Variants in MLLT3 observed in about 807,000 individuals in gnomAD.
MLLT3 encodes the protein MLLT3 super elongation complex subunit.
Under a neutral mutation model 53.2 loss-of-function variants are expected in MLLT3, and 4 were observed. That is an observed-to-expected ratio of 0.08 (90% confidence interval 0.04 to 0.17). The LOEUF (loss-of-function observed/expected upper bound fraction) is 0.17. MLLT3 is among the 10% of genes least tolerant of loss of function. The pLI is 1.00. For missense variants in MLLT3, 569 were observed against 684.0 expected (o/e 0.83, Z 1.87); for synonymous variants, 283 against 230.6 (o/e 1.23, Z -2.06).
intron 2 of MLLT3, among the ~76,000 whole-genome samples, chr9:20,458,835 G>T (rs1824037911): frequency 6.6e-6 from 1 of 152,188 alleles, no homozygotes; most frequent in African/African-American, 2.4e-5. Context: ...GCAGCACAGG[G>T]CCTGGCGCAT....
chr9:20,379,575 C>T (rs1449858186), intron 5 of MLLT3, among the ~76,000 whole-genome samples: 1 of 152,076 alleles, frequency 6.6e-6, no homozygotes, highest in Non-Finnish European at 1.5e-5. Flanking sequence ...ATAGACTTAA[C>T]ATTCCTCTGT....
intron 2 of MLLT3, among the ~76,000 whole-genome samples, chr9:20,491,850 C>T (rs1470621628): frequency 6.6e-6 from 1 of 151,962 alleles, no homozygotes; most frequent in Non-Finnish European, 1.5e-5. Context: ...GAGCATAGTA[C>T]AAAGAAAGAT....
intron 2 of MLLT3, among the ~76,000 whole-genome samples, chr9:20,585,991 C>G (rs1007256546): frequency 6.6e-6 from 1 of 152,120 alleles, no homozygotes; most frequent in Non-Finnish European, 1.5e-5. Flanking sequence ...TCCTCACGGG[C>G]TGCTGACTTT....
chr9:20,448,612 G>A lies in MLLT3; in HGVS notation c.277-346C>T, dbSNP rs1331091352. ...CCCAGTACACTCACCATCAAAGGCT[G>A]CCATTTTCTCCATAAATATTTCTTC... On this transcript the variant is annotated intron_variant, in intron 3 of 10. Transcript: ENST00000380338. The surrounding 1 kb of genome is among the most constrained non-coding windows in gnomAD (Gnocchi z 4.0). Among the ~76,000 whole-genome samples, 1 of 152,030 alleles carries A rather than the reference G, an allele frequency of 6.6e-6. No homozygotes were observed. Among genetic ancestry groups the A allele is most frequent in the African/African-American group, 2.4e-5 (1 of 41,394 alleles).
At chr9:20,416,894 A>T (rs1822885273) in intron 4 of MLLT3, among the ~76,000 whole-genome samples, 1 of 152,142 alleles carries the variant, frequency 6.6e-6, no homozygotes, top group Non-Finnish European at 1.5e-5. Flanking sequence ...GACCAATGTC[A>T]AAGTTCAAAT....
rs1554673228 is a variant in MLLT3 at position 20,342,834 on chromosome 9, G to GTGTATATATATA, written c.*3608_*3609insTATATATATACA. 5.2e-4 allele frequency: 86 copies of GTGTATATATATA among 166,682 alleles called. 2 individuals are homozygous for GTGTATATATATA. The East Asian group carries it at 8.7e-3, about 17-fold the overall frequency. The allele number at this position is 166,682 out of a possible 1,614,324, so 10.3% of individuals were successfully genotyped here. ...AAGATTACTCTGATAATATATATGTGTATATATATATATATATGTATATAT... is the reference window on the plus strand; with the variant it reads ...AAGATTACTCTGATAATATATATGTGTGTATATATATATATATATATATATATATGTATATAT... On this transcript the variant is annotated 3_prime_UTR_variant, in exon 11 of 11. Coordinates refer to ENST00000380338, the MANE Select transcript of MLLT3 (RefSeq NM_004529.4).
intron 2 of MLLT3, among the ~76,000 whole-genome samples, chr9:20,615,268 T>C (rs1233648282): frequency 7.1e-6 from 1 of 140,984 alleles, no homozygotes; most frequent in East Asian, 2.1e-4. Context: ...GACCAGGAGA[T>C]GGGAGGATGG....
rs1820954006 is a variant in MLLT3, at chr9:20,620,081, G to A, written c.193+573C>T. Among the ~76,000 whole-genome samples the A allele has an allele frequency of 6.6e-6, 1 of 151,952 alleles. No homozygotes were observed. Among genetic ancestry groups the A allele is most frequent in the African/African-American group, 2.4e-5 (1 of 41,366 alleles). On this transcript the variant is annotated intron_variant, in intron 2 of 10. Coordinates refer to ENST00000380338, the MANE Select transcript of MLLT3 (RefSeq NM_004529.4). The surrounding 1 kb of genome is among the most constrained non-coding windows in gnomAD (Gnocchi z 6.1). Reference sequence around the variant, plus strand: ...AAATCCAGACTGGAGTGGGTGTGGCGGTGGCTAAGCCACAAAAAGAAAAGT... The same window carrying A: ...AAATCCAGACTGGAGTGGGTGTGGCAGTGGCTAAGCCACAAAAAGAAAAGT...
At chr9:20,352,628 T>C (rs1391076265) in intron 10 of MLLT3, among the ~76,000 whole-genome samples, 1 of 151,710 alleles carries the variant, frequency 6.6e-6, no homozygotes, top group Non-Finnish European at 1.5e-5. Flanking sequence ...GTCAGGAAAC[T>C]TGGCAAGTTT....
chr9:20,500,155 C>T (rs1403817513), intron 2 of MLLT3, among the ~76,000 whole-genome samples: 1 of 152,214 alleles, frequency 6.6e-6, no homozygotes, highest in Non-Finnish European at 1.5e-5. Context: ...GTGGTTCTAG[C>T]TCAGAGTTTC....
chr9:20,431,160 G>A (rs1241611702), intron 4 of MLLT3, among the ~76,000 whole-genome samples: 1 of 152,048 alleles, frequency 6.6e-6, no homozygotes, highest in Non-Finnish European at 1.5e-5. Flanking sequence ...CTAAATAGGT[G>A]ACTGCTCTAT....
chr9:20,344,624 G>A lies in MLLT3; in HGVS notation c.*1819C>T, dbSNP rs1235073871. The stretch of plus-strand genomic sequence containing the variant: ...GAGAAAGTACACTTGTCCTCTGGGA[G>A]GACGCTTCAGAGAAATAATTTACAA... On this transcript the variant is annotated 3_prime_UTR_variant, in exon 11 of 11. Coordinates refer to ENST00000380338, the MANE Select transcript of MLLT3 (RefSeq NM_004529.4). 4.3e-5 allele frequency: 9 copies of A among 209,360 alleles called. No individual in the cohort carries two copies. The highest frequency in any genetic ancestry group is 8.7e-5 in the Non-Finnish European group (9 of 102,942). 13.0% of individuals were successfully genotyped at this position (209,360 alleles called of 1,614,324 possible).
At chr9:20,511,612 T>C (rs1222562076) in intron 2 of MLLT3, among the ~76,000 whole-genome samples, 1 of 152,146 alleles carries the variant, frequency 6.6e-6, no homozygotes, top group East Asian at 1.9e-4. Context: ...GAGCCCAGGA[T>C]TTCATGGCCT....
chr9:20,484,799 A>G (rs150050600), intron 2 of MLLT3, among the ~76,000 whole-genome samples: 2,427 of 152,286 alleles, frequency 0.016, 30 homozygotes, highest in Non-Finnish European at 0.024. Context: ...GTTTAATGAA[A>G]TACTGAAAAT....
In MLLT3 at chr9:20,599,075, G is replaced by A. The variant is rs2131194874; in HGVS notation, c.193+21579C>T. On this transcript the variant is annotated intron_variant, in intron 2 of 10. Transcript: ENST00000380338. ...AATCCCAGTACTTTGGGAGGCCAAG[G>A]CGGGCAGATCACGAGGTCAAGAGAT... Among the ~76,000 whole-genome samples, 2 of 152,276 alleles carry A rather than the reference G, an allele frequency of 1.3e-5. 1 individual carries two copies. The highest frequency in any genetic ancestry group is 4.1e-4 in the South Asian group (2 of 4,828).
At chr9:20,486,504 C>T (rs1824817450) in intron 2 of MLLT3, among the ~76,000 whole-genome samples, 1 of 152,166 alleles carries the variant, frequency 6.6e-6, no homozygotes, top group African/African-American at 2.4e-5. Context: ...CTATCCTCTA[C>T]AGGCCAACAT....
chr9:20,577,064 G>A (rs1035258802), intron 2 of MLLT3, among the ~76,000 whole-genome samples: 3 of 152,074 alleles, frequency 2.0e-5, no homozygotes, highest in African/African-American at 2.4e-5. Flanking sequence ...CTGCAACATT[G>A]TCCAATGTCT....
In MLLT3 at chr9:20,534,199, AT is replaced by A. The variant is rs370205175; in HGVS notation, c.194-77414del. On this transcript the variant is annotated intron_variant, in intron 2 of 10. Coordinates refer to ENST00000380338, the MANE Select transcript of MLLT3 (RefSeq NM_004529.4). ...ATGTTTAGCAAATTTATTTCTAAAA[AT>A]TTTGTAAGTCATGTCTTCGGAAAGT... Among the ~76,000 whole-genome samples, 10 of 152,362 alleles carry A rather than the reference AT, an allele frequency of 6.6e-5. No homozygotes were observed. The East Asian group carries it at 1.7e-3, about 26-fold the overall frequency.
chr9:20,405,213 T>C (rs1822550845), intron 5 of MLLT3, among the ~76,000 whole-genome samples: 1 of 152,140 alleles, frequency 6.6e-6, no homozygotes, highest in South Asian at 2.1e-4. Context: ...CAGAAAATGA[T>C]ATTAGGTTAC....
Sources: allele counts gnomAD v4.1 joint callset (sites outside exome capture counted in the v4.1 genomes callset), GRCh38; gene constraint gnomAD v4.1.1; non-coding constraint Gnocchi (gnomAD v3.1); transcripts MANE v1.5; gene names NCBI Gene and HGNC (gene_info 2026-07-23, HGNC 2026-07-21).